The following CABIN1 variants were observed in gnomAD, a reference collection of about 807,000 sequenced individuals.
CABIN1 encodes the protein calcineurin binding protein 1, also known as calcineurin-binding protein cabin-1.
In CABIN1, 133 loss-of-function variants were observed where a neutral mutation model predicts 227.7. That is an observed-to-expected ratio of 0.58 (90% CI 0.51 to 0.67). The LOEUF (loss-of-function observed/expected upper bound fraction) is 0.67, where lower values mean the gene tolerates loss of function less well. Ranked by LOEUF, CABIN1 falls within the 30% of genes least tolerant of loss-of-function variation. CABIN1 has a pLI of 0.00. For synonymous variants in CABIN1, 1,086 were observed against 1,155.1 expected, an observed-to-expected ratio of 0.94 and a Z score of 1.21; for missense variants, 2,408 against 2,852.5, an observed-to-expected ratio of 0.84 and a Z score of 3.55.
Position 24,068,965 on chromosome 22 carries a change from A to C in CABIN1, c.2232+1784A>C, listed in dbSNP as rs56366994. 1.0e-3 allele frequency among the ~76,000 whole-genome samples: 156 copies of C among 152,374 alleles called. 1 individual carries two copies. The East Asian group carries it at 0.022, about 22-fold the overall frequency. On this transcript the variant is annotated intron_variant, in intron 16 of 36. Transcript: ENST00000263119. Reference sequence around the variant, plus strand: ...GGACCCCATGTTCTCGAGGGGGGGCAGACAAGAGACCCATCAACAGAGAGA... The same window carrying C: ...GGACCCCATGTTCTCGAGGGGGGGCCGACAAGAGACCCATCAACAGAGAGA...
chr22:24,161,531 C>T (rs1296818086), intron 29 of CABIN1, among the ~76,000 whole-genome samples: 1 of 151,930 alleles, frequency 6.6e-6, no homozygotes, highest in African/African-American at 2.4e-5. Context: ...GACCCTGCTT[C>T]TCTCAGCTGC....
At chr22:24,123,715 GTGGAACCATTAAC>G (rs888373644) in intron 28 of CABIN1, among the ~76,000 whole-genome samples, 24 of 152,258 alleles carry the variant, frequency 1.6e-4, no homozygotes, top group Non-Finnish European at 3.1e-4. Flanking sequence ...ACTGACTAAT[GTGGAACCATTAAC>G]TGGGAAGTAG....
chr22:24,058,260 C>T (rs1211885657), intron 10 of CABIN1, among the ~76,000 whole-genome samples: 5 of 152,214 alleles, frequency 3.3e-5, no homozygotes, highest in Non-Finnish European at 1.5e-5. Flanking sequence ...TGGCCTCAAG[C>T]CGTCCTTCTG....
At chr22:24,120,705 C>T (rs1293326789) in intron 28 of CABIN1, among the ~76,000 whole-genome samples, 4 of 151,972 alleles carry the variant, frequency 2.6e-5, no homozygotes, top group African/African-American at 7.3e-5. Context: ...CCCAGCTACT[C>T]GGGAGGCTGA....
At chr22:24,078,827 C>T (rs1263179720) in intron 19 of CABIN1, among the ~76,000 whole-genome samples, 1 of 151,350 alleles carries the variant, frequency 6.6e-6, no homozygotes, top group African/African-American at 2.4e-5. Flanking sequence ...TCTTCACTAC[C>T]CTACCTCCCT....
intron 28 of CABIN1, among the ~76,000 whole-genome samples, chr22:24,123,478 C>T (rs945284422): frequency 3.3e-5 from 5 of 152,224 alleles, no homozygotes; most frequent in Non-Finnish European, 7.3e-5. Context: ...TTCCCATTGG[C>T]TTCTGTGTTT....
Position 24,041,156 on chromosome 22 carries a change from T to A in CABIN1, c.228T>A (p.Asp76Glu). 6.2e-7 allele frequency: 1 copy of A among 1,614,134 alleles called. No individual in the cohort carries two copies. The highest frequency in any genetic ancestry group is 8.5e-7 in the Non-Finnish European group (1 of 1,180,004). ...GTTCACAGGCAGTTTCATCCGGTGATGAGAAAGAGGGGTTGAAACACCCTG... is the reference window on the plus strand; with the variant it reads ...GTTCACAGGCAGTTTCATCCGGTGAAGAGAAAGAGGGGTTGAAACACCCTG... ...SLLREAVSSG[D>E]EKEGLKHPGL... The change falls in exon 5 of 37, where the codon GAT becomes GAA. Residue 76 changes from aspartate (D) to glutamate (E), a missense_variant. Around this residue, in one of 3 missense-constraint regions of CABIN1, gnomAD observed 1,045 missense variants for 1,168.4 expected, o/e 0.89. Coordinates refer to ENST00000263119, the MANE Select transcript of CABIN1 (RefSeq NM_012295.4).
chr22:24,177,556 G>C lies in CABIN1; in HGVS notation c.6258G>C (p.Ala2086=). Residue 2086 remains alanine (A), a synonymous_variant, in exon 36 of 37, where the codon GCG becomes GCC. Coordinates refer to ENST00000263119, the MANE Select transcript of CABIN1 (RefSeq NM_012295.4). This position sits in a 1 kb window ranked among gnomAD's most constrained non-coding sequence, Gnocchi z 4.4. ...PRRDGEAQEA[A]SETQPLSSPP... The stretch of plus-strand genomic sequence containing the variant: ...GGGATGGGGAGGCTCAGGAGGCTGC[G>C]AGTGAGACTCAGCCCCTGAGCTCTC... 6.3e-7 allele frequency: 1 copy of C among 1,582,960 alleles called. No homozygotes were observed. The highest frequency in any genetic ancestry group is 8.6e-7 in the Non-Finnish European group (1 of 1,159,674).
chr22:24,057,713 GTCTT>G (rs2038901848), intron 10 of CABIN1, among the ~76,000 whole-genome samples: 1 of 152,178 alleles, frequency 6.6e-6, no homozygotes, highest in South Asian at 2.1e-4. Flanking sequence ...TTAATTTGTT[GTCTT>G]TCTGAGGTGA....
chr22:24,073,553 T>C (rs2040238857), intron 18 of CABIN1, among the ~76,000 whole-genome samples: 2 of 152,128 alleles, frequency 1.3e-5, no homozygotes, highest in Non-Finnish European at 2.9e-5. Context: ...TCACTACATG[T>C]CAGGGCTCTG....
chr22:24,059,311 A>G lies in CABIN1; in HGVS notation c.1347A>G (p.Pro449=). 6.2e-7 allele frequency: 1 copy of G among 1,614,232 alleles called. No individual in the cohort carries two copies. The part of the protein sequence containing the change: ...VQSEAKLESF[P]SIGPQRLSFD... ...CAGAAGCCAAACTGGAAAGCTTCCC[A>G]AGCATTGGGCCTCAAAGGCTGTCAT... Residue 449 remains proline (P), a synonymous_variant, in exon 11 of 37, where the codon CCA becomes CCG. Transcript: ENST00000263119.
At chr22:24,105,393 ATATT>A (rs1279724043) in intron 26 of CABIN1, among the ~76,000 whole-genome samples, 1 of 152,236 alleles carries the variant, frequency 6.6e-6, no homozygotes, top group African/African-American at 2.4e-5. Flanking sequence ...TAACAATAAA[ATATT>A]TATAATCTTG....
At chr22:24,148,902 G>C (rs1362990281) in intron 29 of CABIN1, among the ~76,000 whole-genome samples, 3 of 152,168 alleles carry the variant, frequency 2.0e-5, no homozygotes, top group African/African-American at 7.2e-5. Context: ...CCTTAGGTCA[G>C]TGGCCAGCCT....
In CABIN1 at chr22:24,171,982, C is replaced by T; in HGVS notation, c.6027C>T (p.Ala2009=). 6.2e-7 allele frequency: 1 copy of T among 1,611,638 alleles called. No homozygotes were observed. Among genetic ancestry groups the T allele is most frequent in the Non-Finnish European group, 8.5e-7 (1 of 1,179,858 alleles). The change falls in exon 34 of 37, where the codon GCC becomes GCT. Residue 2009 remains alanine, a synonymous_variant. Transcript: ENST00000263119. ...PHRPEATPSM[A]SLGPEGEELA... The stretch of plus-strand genomic sequence containing the variant: ...GGCCTGAAGCTACCCCCAGCATGGC[C>T]TCTCTGGGCCCAGGTGAGTCCCATC...
intron 5 of CABIN1, among the ~76,000 whole-genome samples, chr22:24,042,381 G>C (rs2037445311): frequency 6.6e-6 from 1 of 152,222 alleles, no homozygotes; most frequent in African/African-American, 2.4e-5. Context: ...AGGAGTTTGA[G>C]ACAAGCCTGG....
At chr22:24,083,157 G>A (rs1229696326) in intron 19 of CABIN1, 71 bp from the exon 20 acceptor site, 2 of 1,516,546 alleles carry the variant, frequency 1.3e-6, no homozygotes, top group Non-Finnish European at 1.8e-6. Context: ...TGGTTTCTCT[G>A]GGGCCCTGCT....
At chr22:24,140,811 A>G (rs1193554843) in intron 29 of CABIN1, among the ~76,000 whole-genome samples, 1 of 152,030 alleles carries the variant, frequency 6.6e-6, no homozygotes, top group Non-Finnish European at 1.5e-5. Context: ...GTGTGAGTGG[A>G]AGGGAGGTGC....
At chr22:24,033,253 A>G (rs1207167768) in intron 1 of CABIN1, among the ~76,000 whole-genome samples, 1 of 152,256 alleles carries the variant, frequency 6.6e-6, no homozygotes, top group Non-Finnish European at 1.5e-5. Flanking sequence ...AAGAGAACTC[A>G]GAGCCTATTG....
At chr22:24,156,237 CGGCGCACCA>C (rs933379097) in intron 29 of CABIN1, among the ~76,000 whole-genome samples, 1 of 152,100 alleles carries the variant, frequency 6.6e-6, no homozygotes, top group African/African-American at 2.4e-5. Context: ...CCCCCCGCCT[CGGCGCACCA>C]GGCGCAGCAG....
Sources: allele counts gnomAD v4.1 joint callset (sites outside exome capture counted in the v4.1 genomes callset), GRCh38; gene constraint gnomAD v4.1.1; regional missense constraint gnomAD v4.1.1; non-coding constraint Gnocchi (gnomAD v3.1); transcripts MANE v1.5; gene names NCBI Gene and HGNC (gene_info 2026-07-23, HGNC 2026-07-21).